ADGRL3: variants seen among roughly 807,000 people sequenced by gnomAD.
ADGRL3 encodes adhesion G protein-coupled receptor L3.
ADGRL3 carries 62 observed loss-of-function variants against 153.5 expected under a neutral mutation model. The observed-to-expected ratio is 0.40, with a 90% CI of 0.33 to 0.50. ADGRL3 has a LOEUF of 0.50. Ranked by LOEUF, ADGRL3 falls within the 20% of genes least tolerant of loss-of-function variation. The pLI is 0.47. For missense variants in ADGRL3, 1,641 were observed against 1,859.4 expected (o/e 0.88, Z 2.16); for synonymous variants, 710 against 672.5 (o/e 1.06, Z -0.86).
At chr4:61,392,934 C>T (rs979071221) in intron 2 of ADGRL3, among the ~76,000 whole-genome samples, 4 of 151,870 alleles carry the variant, frequency 2.6e-5, no homozygotes, top group Non-Finnish European at 5.9e-5. Context: ...TAGCTGGCTA[C>T]ATCTCTTATA....
Position 62,006,028 on chromosome 4 carries a change from A to T in ADGRL3, c.3395+7763A>T, listed in dbSNP as rs1423717443. Among the ~76,000 whole-genome samples, 106 of 95,490 alleles carry T rather than the reference A, an allele frequency of 1.1e-3. 1 individual carries two copies. Among genetic ancestry groups the T allele is most frequent in the African/African-American group, 3.7e-3 (94 of 25,598 alleles). 62.6% of individuals were successfully genotyped at this position (95,490 alleles called of 152,430 possible). A position where few individuals can be genotyped will look rare whatever the true frequency, so the allele number is the denominator to read the frequency against. On this transcript the variant is annotated intron_variant, in intron 21 of 26. Transcript: ENST00000683033. ...CATATATATATATATATATATATAT[A>T]TATATTTTTTTTTTTTTTTGAGAAA...
At chr4:61,836,804 CTT>C (rs1486037120) in intron 9 of ADGRL3, among the ~76,000 whole-genome samples, 1 of 152,020 alleles carries the variant, frequency 6.6e-6, no homozygotes, top group East Asian at 1.9e-4. Flanking sequence ...CATGTAAAAA[CTT>C]TGACTTTATA....
At chr4:61,905,056 A>G (rs1283158895) in intron 11 of ADGRL3, among the ~76,000 whole-genome samples, 1 of 152,184 alleles carries the variant, frequency 6.6e-6, no homozygotes, top group Non-Finnish European at 1.5e-5. Context: ...TTCTACAAAC[A>G]TATTATTATA....
intron 2 of ADGRL3, among the ~76,000 whole-genome samples, chr4:61,456,377 ATATATATATATAGATATATCTATATC>A (rs1553934024): frequency 6.6e-4 from 75 of 113,614 alleles, no homozygotes; most frequent in Middle Eastern, 8.7e-3. Flanking sequence ...AGATATATCT[ATATATATATATAGATATATCTATATC>A]TATATATATA....
At chr4:61,871,713 A>G (rs935313124) in intron 9 of ADGRL3, among the ~76,000 whole-genome samples, 9 of 152,220 alleles carry the variant, frequency 5.9e-5, no homozygotes, top group African/African-American at 1.7e-4. Context: ...CTATGAATAT[A>G]CTAAAAATCA....
chr4:61,763,281 A>G (rs2096934924), intron 8 of ADGRL3, among the ~76,000 whole-genome samples: 1 of 149,208 alleles, frequency 6.7e-6, no homozygotes, highest in Non-Finnish European at 1.5e-5. Context: ...TCTGCCTCCC[A>G]GGTTCAAACA....
rs2098727573 is a variant in ADGRL3 at position 61,912,765 on chromosome 4, C to T, written c.2112+8C>T. Reference sequence around the variant, plus strand: ...TGCAGAGCCTATGTCCAGGTACTTTCTGCGTTTTTATAAATGTGTTAAGTT... The same window carrying T: ...TGCAGAGCCTATGTCCAGGTACTTTTTGCGTTTTTATAAATGTGTTAAGTT... On this transcript the variant is annotated splice_region_variant and intron_variant, in intron 13 of 26. Coordinates refer to ENST00000683033, the MANE Select transcript of ADGRL3 (RefSeq NM_001387552.1). The T allele has an allele frequency of 6.2e-7, 1 of 1,612,302 alleles. No homozygotes were observed. The highest frequency in any genetic ancestry group is 1.7e-5 in the Admixed American group (1 of 59,904).
At chr4:61,388,374 A>G (rs1013914754) in intron 2 of ADGRL3, among the ~76,000 whole-genome samples, 3 of 152,180 alleles carry the variant, frequency 2.0e-5, no homozygotes, top group Non-Finnish European at 4.4e-5. Flanking sequence ...GAGAAGGTCT[A>G]TTTTCCACAG....
chr4:61,620,536 T>G (rs2092425652), intron 5 of ADGRL3, among the ~76,000 whole-genome samples: 1 of 152,032 alleles, frequency 6.6e-6, no homozygotes, highest in South Asian at 2.1e-4. Flanking sequence ...GTCTCTTTTA[T>G]GCTTGGCACT....
At chr4:61,593,631 G>T (rs2098978168) in intron 5 of ADGRL3, among the ~76,000 whole-genome samples, 1 of 152,062 alleles carries the variant, frequency 6.6e-6, no homozygotes, top group Non-Finnish European at 1.5e-5. Context: ...GGCCTGTAAA[G>T]TTCCCACTGA....
chr4:61,626,054 A>G lies in ADGRL3; in HGVS notation c.473+38614A>G, dbSNP rs554246808. Among the ~76,000 whole-genome samples, 4 of 152,164 alleles carry G rather than the reference A, an allele frequency of 2.6e-5. No homozygotes were observed. The South Asian group carries it at 6.2e-4, about 24-fold the overall frequency. Reference sequence around the variant, plus strand: ...TCTACAGTTTAAAATATATATTTACATGGCTTTCTATTTGACCTTAAAATC... The same window carrying G: ...TCTACAGTTTAAAATATATATTTACGTGGCTTTCTATTTGACCTTAAAATC... On this transcript the variant is annotated intron_variant, in intron 5 of 26. Transcript: ENST00000683033.
chr4:61,767,324 TA>T (rs1554025505), intron 8 of ADGRL3, among the ~76,000 whole-genome samples: 1 of 149,898 alleles, frequency 6.7e-6, no homozygotes, highest in Non-Finnish European at 1.5e-5. Context: ...CTTAAAAGAG[TA>T]TTGTCTAAGT....
chr4:61,955,699 AC>A (rs959790728), intron 17 of ADGRL3, among the ~76,000 whole-genome samples: 1 of 151,942 alleles, frequency 6.6e-6, no homozygotes, highest in Non-Finnish European at 1.5e-5. Context: ...CCCCAATCCC[AC>A]AACAGGGCCT....
rs1380299400 is a variant in ADGRL3, at chr4:62,070,941, G to T, written c.*33G>T. 2.0e-6 allele frequency: 3 copies of T among 1,491,150 alleles called. No individual in the cohort carries two copies. The highest frequency in any genetic ancestry group is 2.7e-6 in the Non-Finnish European group (3 of 1,107,790). 92.4% of individuals were successfully genotyped at this position (1,491,150 alleles called of 1,614,324 possible). A position where few individuals can be genotyped will look rare whatever the true frequency, so the allele number is the denominator to read the frequency against. On this transcript the variant is annotated 3_prime_UTR_variant, in exon 27 of 27. Transcript: ENST00000683033. ...CACAGAAATTGGAACCAACAAAACT[G>T]CTAACACCTTGTTGACTGTTCTGAG...
chr4:61,594,708 A>T (rs541763593), intron 5 of ADGRL3, among the ~76,000 whole-genome samples: 26 of 152,212 alleles, frequency 1.7e-4, no homozygotes, highest in Middle Eastern at 3.4e-3. Context: ...GCTGGGTCAG[A>T]CCTGAAGCCA....
intron 8 of ADGRL3, among the ~76,000 whole-genome samples, chr4:61,746,428 C>T (rs1266561856): frequency 1.3e-5 from 2 of 152,112 alleles, no homozygotes; most frequent in African/African-American, 4.8e-5. Context: ...AAAACCACAC[C>T]TATTCCAAAA....
Position 61,730,026 on chromosome 4 carries a change from A to G in ADGRL3, c.584-596A>G, listed in dbSNP as rs113999514. ...AGCGGGAGGGAGAAAACTTTCTTCAATAAGGATTCCAAATCAATTTATTTA... is the reference window on the plus strand; with the variant it reads ...AGCGGGAGGGAGAAAACTTTCTTCAGTAAGGATTCCAAATCAATTTATTTA... On this transcript the variant is annotated intron_variant, in intron 6 of 26. Transcript: ENST00000683033. Among the ~76,000 whole-genome samples the G allele has an allele frequency of 9.0e-3, 1,372 of 152,072 alleles. 30 individuals are homozygous for G. Among genetic ancestry groups the G allele is most frequent in the African/African-American group, 0.031 (1,300 of 41,554 alleles).
chr4:61,633,944 G>C (rs2093301136), intron 5 of ADGRL3, among the ~76,000 whole-genome samples: 1 of 149,084 alleles, frequency 6.7e-6, no homozygotes, highest in Non-Finnish European at 1.5e-5. Flanking sequence ...CAATTGGATT[G>C]TGTCCTCATA....
At chr4:61,401,542 C>CT (rs1254342347) in intron 2 of ADGRL3, among the ~76,000 whole-genome samples, 2 of 151,810 alleles carry the variant, frequency 1.3e-5, no homozygotes, top group African/African-American at 4.8e-5. Flanking sequence ...AAATATAGAG[C>CT]TTTTTGGGTA....
Sources: allele counts gnomAD v4.1 joint callset (sites outside exome capture counted in the v4.1 genomes callset), GRCh38; gene constraint gnomAD v4.1.1; transcripts MANE v1.5; gene names NCBI Gene and HGNC (gene_info 2026-07-23, HGNC 2026-07-21).